Variants in RHBDD1 observed in about 807,000 individuals in gnomAD.
RHBDD1 encodes the protein rhomboid-related protein 4.
Under a neutral mutation model 36.3 loss-of-function variants are expected in RHBDD1, and 38 were observed. That is an observed-to-expected ratio of 1.05 (90% CI 0.81 to 1.37). The LOEUF is 1.37. Among genes scored for constraint, RHBDD1 ranks in the 40% most tolerant of loss-of-function variants. RHBDD1 has a pLI of 0.00. For synonymous variants in RHBDD1, 151 were observed against 136.5 expected (o/e 1.11, Z -0.74); for missense variants, 393 against 377.6 (o/e 1.04, Z -0.34).
the RHBDD1 span, among the ~76,000 whole-genome samples, chr2:226,821,082 G>A: frequency 1.5e-4 from 23 of 152,116 alleles, no homozygotes; most frequent in Non-Finnish European, 2.9e-5. Flanking sequence ...ATGAATGATG[G>A]CAAGGTTGAT....
intron 5 of RHBDD1, among the ~76,000 whole-genome samples, chr2:226,904,414 C>CCG (rs1553562495): frequency 4.3e-5 from 2 of 46,590 alleles, no homozygotes; most frequent in African/African-American, 1.9e-4. Flanking sequence ...ATCCTGCAAG[C>CCG]GGGGGGGGAG....
chr2:226,983,395 G>T (rs955348305), intron 8 of RHBDD1, among the ~76,000 whole-genome samples: 2 of 152,182 alleles, frequency 1.3e-5, no homozygotes, highest in African/African-American at 4.8e-5. Flanking sequence ...GGCCAGTTAT[G>T]TGGTTCACTT....
intron 5 of RHBDD1, among the ~76,000 whole-genome samples, chr2:226,904,558 C>T (rs1020614616): frequency 6.6e-6 from 1 of 152,254 alleles, no homozygotes; most frequent in Non-Finnish European, 1.5e-5. Context: ...TGACTTTTAG[C>T]ACGTGTGCAT....
intron 5 of RHBDD1, among the ~76,000 whole-genome samples, chr2:226,879,243 A>G (rs568305060): frequency 7.8e-4 from 119 of 152,310 alleles, no homozygotes; most frequent in African/African-American, 2.8e-3. Flanking sequence ...GCTGCTTTAA[A>G]CTGGCTACTA....
At chr2:226,901,522 T>A (rs1947593709) in intron 5 of RHBDD1, among the ~76,000 whole-genome samples, 1 of 152,206 alleles carries the variant, frequency 6.6e-6, no homozygotes, top group Non-Finnish European at 1.5e-5. Flanking sequence ...GTGTTGCCTT[T>A]ACATCCTTGC....
intron 1 of RHBDD1, among the ~76,000 whole-genome samples, chr2:226,836,406 A>G (rs570168826): frequency 6.6e-6 from 1 of 152,328 alleles, no homozygotes; most frequent in South Asian, 2.1e-4. Flanking sequence ...AGCGAGTTTA[A>G]AGGGTTCCTT....
intron 3 of RHBDD1, among the ~76,000 whole-genome samples, chr2:226,853,814 A>C (rs1209900333): frequency 6.6e-6 from 1 of 152,206 alleles, no homozygotes; most frequent in African/African-American, 2.4e-5. Context: ...AAAGTGAAGG[A>C]CTGAAATTTC....
At chr2:226,984,861 G>C (rs1465692089) in intron 8 of RHBDD1, among the ~76,000 whole-genome samples, 1 of 146,998 alleles carries the variant, frequency 6.8e-6, no homozygotes, top group Non-Finnish European at 1.5e-5. Flanking sequence ...ATCAGGCACA[G>C]TCAGAATGAG....
the RHBDD1 span, among the ~76,000 whole-genome samples, chr2:226,807,291 T>A: frequency 6.6e-6 from 1 of 152,180 alleles, no homozygotes; most frequent in South Asian, 2.1e-4. Context: ...TGTATTTTAT[T>A]TTTGCATCAG....
At chr2:226,842,399 C>T (rs567923087) in intron 3 of RHBDD1, among the ~76,000 whole-genome samples, 1 of 152,138 alleles carries the variant, frequency 6.6e-6, no homozygotes, top group South Asian at 2.1e-4. Flanking sequence ...CCTAGATTTT[C>T]TTCTAGGATT....
At chr2:226,881,443 A>G (rs1337730282) in intron 5 of RHBDD1, among the ~76,000 whole-genome samples, 4 of 152,334 alleles carry the variant, frequency 2.6e-5, no homozygotes, top group African/African-American at 9.6e-5. Context: ...TAATGACTGC[A>G]TAATGATTTC....
chr2:226,980,515 A>C (rs1335211944), intron 8 of RHBDD1, among the ~76,000 whole-genome samples: 1 of 152,166 alleles, frequency 6.6e-6, no homozygotes, highest in Non-Finnish European at 1.5e-5. Context: ...TGAGCAAGTC[A>C]GATCTACCAT....
At chr2:226,825,989 T>C in the RHBDD1 span, among the ~76,000 whole-genome samples, 406 of 152,330 alleles carry the variant, frequency 2.7e-3, 4 homozygotes, top group African/African-American at 9.4e-3. Context: ...GATTATCGTT[T>C]TTAGCTAGTA....
chr2:226,952,885 A>G (rs1447881196), intron 8 of RHBDD1, among the ~76,000 whole-genome samples: 1 of 152,034 alleles, frequency 6.6e-6, no homozygotes, highest in East Asian at 1.9e-4. Context: ...ACTAATGCTA[A>G]CCAAAGAGAA....
chr2:226,860,385 G>A (rs1413294823), intron 3 of RHBDD1, among the ~76,000 whole-genome samples: 1 of 152,178 alleles, frequency 6.6e-6, no homozygotes, highest in African/African-American at 2.4e-5. Context: ...CAGATAAGTT[G>A]CTATAATTGA....
chr2:226,951,715 G>C (rs899678055), intron 8 of RHBDD1, among the ~76,000 whole-genome samples: 1 of 152,200 alleles, frequency 6.6e-6, no homozygotes, highest in African/African-American at 2.4e-5. Context: ...TAAAGATGAT[G>C]TTAAGAATAA....
intron 8 of RHBDD1, among the ~76,000 whole-genome samples, chr2:226,949,412 G>A (rs1405752537): frequency 6.6e-6 from 1 of 152,174 alleles, no homozygotes; most frequent in Non-Finnish European, 1.5e-5. Context: ...TATACCAGCA[G>A]CATTGTAAGT....
chr2:226,923,488 T>C (rs1949466131), intron 8 of RHBDD1, among the ~76,000 whole-genome samples: 1 of 152,156 alleles, frequency 6.6e-6, no homozygotes, highest in Non-Finnish European at 1.5e-5. Flanking sequence ...ATTAAATGTC[T>C]TGAGGTAGTC....
intron 4 of RHBDD1, 147 bp from the exon 5 acceptor site, chr2:226,867,039 C>A: frequency 1.4e-6 from 1 of 711,432 alleles, no homozygotes; most frequent in Non-Finnish European, 2.2e-6. Flanking sequence ...TTACCAAATG[C>A]AAGGTTGTAA....
Sources: gnomAD v4.1 joint callset for allele counts (sites outside exome capture counted in the v4.1 genomes callset) on GRCh38, gnomAD v4.1.1 for gene constraint, MANE v1.5 for transcripts, NCBI Gene and HGNC (gene_info 2026-07-23, HGNC 2026-07-21) for gene names.